The following DLG5 variants were observed in gnomAD, a reference collection of about 807,000 sequenced individuals.
DLG5 encodes discs large MAGUK scaffold protein 5.
Under a neutral mutation model 189.8 loss-of-function variants are expected in DLG5, and 48 were observed. The observed-to-expected ratio is 0.25, with a 90% CI of 0.20 to 0.32. The LOEUF (loss-of-function observed/expected upper bound fraction) is 0.32, where lower values mean the gene tolerates loss of function less well. Among genes scored for constraint, DLG5 ranks in the 10% least tolerant of loss-of-function variants. The pLI, the probability that DLG5 is intolerant of heterozygous loss-of-function variation, is 1.00. For missense variants in DLG5, 2,160 were observed against 2,544.7 expected (o/e 0.85, Z 3.25); for synonymous variants, 1,016 against 1,054.1 (o/e 0.96, Z 0.70).
At chr10:77,805,901 C>A (rs761351074) in intron 26 of DLG5, 40 bp from the exon 27 acceptor site, 2 of 1,560,122 alleles carry the variant, frequency 1.3e-6, no homozygotes, top group Non-Finnish European at 1.7e-6. Flanking sequence ...GCCATCGAGA[C>A]CCTGCTGCCC....
intron 1 of DLG5, among the ~76,000 whole-genome samples, chr10:77,909,704 T>C (rs1415399307): frequency 6.6e-6 from 1 of 152,076 alleles, no homozygotes; most frequent in African/African-American, 2.4e-5. Context: ...GGCGCATATA[T>C]ACTCACACCC....
chr10:77,846,864 C>G (rs916832945), intron 5 of DLG5: 6 of 388,084 alleles, frequency 1.5e-5, no homozygotes, highest in Non-Finnish European at 3.1e-5. Context: ...CGCTCTCCTG[C>G]AGCGGCTTCC....
At chr10:77,864,468 G>T (rs1844595975) in intron 2 of DLG5, among the ~76,000 whole-genome samples, 1 of 152,136 alleles carries the variant, frequency 6.6e-6, no homozygotes. Flanking sequence ...TACAACTCAG[G>T]ACACCCAGAG....
intron 23 of DLG5, 71 bp downstream of exon 23, chr10:77,811,023 A>G: frequency 1.3e-6 from 2 of 1,549,660 alleles, no homozygotes; most frequent in Non-Finnish European, 1.7e-6. Flanking sequence ...TGCCCACGCC[A>G]CTTGGAGAAT....
At chr10:77,917,186 C>T (rs534414216) in intron 1 of DLG5, among the ~76,000 whole-genome samples, 29 of 151,702 alleles carry the variant, frequency 1.9e-4, no homozygotes, top group African/African-American at 6.8e-4. Flanking sequence ...AATACAAAAA[C>T]AAAAAATCAG....
rs761921545 is a variant in DLG5 at position 77,796,120 on chromosome 10, G to A, written c.5377C>T (p.Arg1793Trp). The change falls in exon 29 of 32, where the codon CGG becomes TGG. Residue 1793 changes from arginine to tryptophan, a missense_variant. Arg to Trp is a moderately radical substitution (Grantham distance 101, BLOSUM62 -3). Around this residue, in one of 5 missense-constraint regions of DLG5, gnomAD observed 574 missense variants for 644.2 expected, o/e 0.89. Coordinates refer to ENST00000372391, the MANE Select transcript of DLG5 (RefSeq NM_004747.4). The surrounding 1 kb of genome is among the most constrained non-coding windows in gnomAD (Gnocchi z 5.2). The part of the protein sequence containing the change: ...VKDCLFVDYK[R>W]RSGHFDVTTV... ...GTCACATCGAAATGGCCGCTTCTCC[G>A]CTTATAGTCGACAAACAGGCAATCT... is the stretch of plus-strand genomic sequence containing the variant. The A allele has an allele frequency of 6.3e-5, 102 of 1,614,048 alleles. No individual in the cohort carries two copies. Among genetic ancestry groups the A allele is most frequent in the Non-Finnish European group, 8.6e-5 (102 of 1,180,038 alleles).
At chr10:77,880,990 T>TTTTTA (rs1845264113) in intron 1 of DLG5, among the ~76,000 whole-genome samples, 1 of 100,016 alleles carries the variant, frequency 1.0e-5, no homozygotes, top group Non-Finnish European at 1.9e-5. Context: ...TTTTTTTTTT[T>TTTTTA]GAGACAAAGT....
At chr10:77,822,219 A>C in intron 14 of DLG5, 118 bp from the exon 15 acceptor site, 2 of 1,136,886 alleles carry the variant, frequency 1.8e-6, no homozygotes, top group Non-Finnish European at 2.5e-6. Flanking sequence ...TGCCCCTTAA[A>C]AAAGAGACAG....
In DLG5 at chr10:77,796,524, C is replaced by T. The variant is rs1840930472; in HGVS notation, c.5235G>A (p.Leu1745=). 2 of 1,614,222 alleles carry T rather than the reference C, an allele frequency of 1.2e-6. No individual in the cohort carries two copies. Among genetic ancestry groups the T allele is most frequent in the Non-Finnish European group, 8.5e-7 (1 of 1,180,046 alleles). ...CCTTCACCACGTCCAGCAAAGGCCC[C>T]AGAATCAGGACAGGCCTCAGAGCGG... ...DCTALRPVLI[L]GPLLDVVKEM... The change falls in exon 28 of 32, where the codon CTG becomes CTA. Residue 1745 remains leucine, a synonymous_variant. Coordinates refer to ENST00000372391, the MANE Select transcript of DLG5 (RefSeq NM_004747.4). The surrounding 1 kb of genome is among the most constrained non-coding windows in gnomAD (Gnocchi z 5.2).
intron 23 of DLG5, among the ~76,000 whole-genome samples, chr10:77,810,166 T>A (rs1841688139): frequency 6.6e-6 from 1 of 152,226 alleles, no homozygotes; most frequent in Non-Finnish European, 1.5e-5. Context: ...CAGCAACTGC[T>A]AACTTGTGAA....
At position 77,794,053 on chromosome 10, in the gene DLG5, C is replaced by G; in HGVS notation, c.5611G>C (p.Glu1871Gln). ...TCCTGCTCAAGCTTCTGCGCCGCCT[C>G]AAACTGCTCTTTGGAATGCCTCTGA... ...VTQRHSKEQF[E>Q]AAQKLEQEYS... The change falls in exon 31 of 32, where the codon GAG (glutamate) becomes CAG (glutamine). Residue 1871 changes from glutamate (E) to glutamine (Q), a missense_variant. This residue lies in a region of DLG5 where 574 missense variants were observed against 644.2 expected (regional missense o/e 0.89). Transcript: ENST00000372391. The G allele has an allele frequency of 6.2e-7, 1 of 1,614,198 alleles. No individual in the cohort carries two copies. Among genetic ancestry groups the G allele is most frequent in the South Asian group, 1.1e-5 (1 of 91,082 alleles).
At chr10:77,892,647 C>T (rs1397681105) in intron 1 of DLG5, among the ~76,000 whole-genome samples, 5 of 152,192 alleles carry the variant, frequency 3.3e-5, no homozygotes, top group South Asian at 2.1e-4. Context: ...CAAGACACCT[C>T]GCACACCAGA....
At chr10:77,864,466 A>G (rs1223816843) in intron 2 of DLG5, among the ~76,000 whole-genome samples, 2 of 152,144 alleles carry the variant, frequency 1.3e-5, no homozygotes, top group African/African-American at 4.8e-5. Flanking sequence ...CCTACAACTC[A>G]GGACACCCAG....
intron 1 of DLG5, chr10:77,889,452 C>T (rs1845544137): frequency 6.6e-6 from 1 of 152,342 alleles, no homozygotes; most frequent in Non-Finnish European, 1.5e-5. Context: ...GCACTCTGTC[C>T]ACCAGCTCAT....
At position 77,914,594 on chromosome 10, in the gene DLG5, T is replaced by C. The variant is rs566004371; in HGVS notation, c.304+11623A>G. Among the ~76,000 whole-genome samples the C allele has an allele frequency of 4.6e-5, 7 of 152,176 alleles. No individual in the cohort carries two copies. In the East Asian group the frequency reaches 1.4e-3, roughly 29 times the overall value. On this transcript the variant is annotated intron_variant, in intron 1 of 31. Transcript: ENST00000372391. ...ACTCATGACATTCAGATGTCTCCAG[T>C]CCCGCAGCCTTGCTCCCTGGCTCCA...
At chr10:77,927,885 T>C (rs141774808), upstream of DLG5, 263 of 152,394 alleles carry the variant, frequency 1.7e-3, 1 homozygote, top group African/African-American at 6.1e-3. Flanking sequence ...AGTGCTCCTC[T>C]GTAGAGTGGG....
Position 77,831,154 on chromosome 10 carries a change from C to G in DLG5, c.1749-281G>C, listed in dbSNP as rs145825284. On this transcript the variant is annotated intron_variant, in intron 9 of 31. Transcript: ENST00000372391. ...GCACAGTGGTTCATGCCTGTAATCC[C>G]AGCACTTTGGGAGGCCGAGACAGGC... Among the ~76,000 whole-genome samples, 1,510 of 152,266 alleles carry G rather than the reference C, an allele frequency of 9.9e-3. 27 individuals are homozygous for G. The highest frequency in any genetic ancestry group is 0.034 in the African/African-American group (1,411 of 41,540).
At chr10:77,793,702 A>C in intron 31 of DLG5, 1 of 377,104 alleles carries the variant, frequency 2.7e-6, no homozygotes, top group Non-Finnish European at 4.8e-6. Flanking sequence ...CTGCCTGGGG[A>C]CACTGTGGCT....
At chr10:77,815,314 C>G (rs1841996786) in intron 20 of DLG5, among the ~76,000 whole-genome samples, 1 of 152,218 alleles carries the variant, frequency 6.6e-6, no homozygotes, top group Non-Finnish European at 1.5e-5. Flanking sequence ...TCCGTTACCC[C>G]TCAGGTTCTC....
Sources: allele counts gnomAD v4.1 joint callset (sites outside exome capture counted in the v4.1 genomes callset), GRCh38; gene constraint gnomAD v4.1.1; regional missense constraint gnomAD v4.1.1; non-coding constraint Gnocchi (gnomAD v3.1); transcripts MANE v1.5; gene names NCBI Gene and HGNC (gene_info 2026-07-23, HGNC 2026-07-21).